The following PAPPA2 variants were observed in gnomAD, a reference collection of about 807,000 sequenced individuals.
PAPPA2 encodes pappalysin 2, also known as pappalysin-2.
In PAPPA2, 86 loss-of-function variants were observed where a neutral mutation model predicts 176.4. The ratio of observed to expected loss-of-function variants is 0.49; its 90% CI spans 0.41 to 0.58. The LOEUF (loss-of-function observed/expected upper bound fraction) is 0.58. PAPPA2 is among the 20% of genes least tolerant of loss of function. The pLI is 0.00. For synonymous variants in PAPPA2, 809 were observed against 852.2 expected, an observed-to-expected ratio of 0.95 and a Z score of 0.88; for missense variants, 2,073 against 2,256.9, an observed-to-expected ratio of 0.92 and a Z score of 1.65.
intron 17 of PAPPA2, among the ~76,000 whole-genome samples, chr1:176,781,365 CTTTTTTTTTTTTTTTTTTTTTTT>C (rs35029858): frequency 2.2e-5 from 1 of 46,228 alleles, no homozygotes. Flanking sequence ...TTGTAAGGGG[CTTTTTTTTTTTTTTTTTTTTTTT>C]TTTTTTTTTT....
chr1:176,749,600 A>G (rs1663071514), intron 14 of PAPPA2, among the ~76,000 whole-genome samples: 1 of 152,164 alleles, frequency 6.6e-6, no homozygotes, highest in African/African-American at 2.4e-5. Flanking sequence ...CTGCCTATTC[A>G]CCACCATACC....
chr1:176,730,877 T>A (rs974937153), intron 12 of PAPPA2, among the ~76,000 whole-genome samples: 2 of 152,240 alleles, frequency 1.3e-5, no homozygotes, highest in African/African-American at 2.4e-5. Context: ...GCATTTTGTT[T>A]GTTTCTAGCA....
intron 8 of PAPPA2, among the ~76,000 whole-genome samples, chr1:176,702,320 C>T (rs1660686290): frequency 6.6e-6 from 1 of 152,138 alleles, no homozygotes; most frequent in East Asian, 1.9e-4. Context: ...CTTGAAATAC[C>T]ATCTTCCTAG....
intron 1 of PAPPA2, among the ~76,000 whole-genome samples, chr1:176,484,935 C>G (rs926991313): frequency 4.6e-5 from 7 of 152,126 alleles, no homozygotes; most frequent in African/African-American, 1.7e-4. Flanking sequence ...ATGGCGGTTT[C>G]TGCTCTGGCA....
intron 3 of PAPPA2, among the ~76,000 whole-genome samples, chr1:176,617,302 G>T (rs1296861759): frequency 6.6e-6 from 1 of 152,120 alleles, no homozygotes; most frequent in Non-Finnish European, 1.5e-5. Flanking sequence ...AGTGACATAG[G>T]GGGTGGCAGG....
At chr1:176,559,253 C>T (rs1173036635) in intron 2 of PAPPA2, among the ~76,000 whole-genome samples, 1 of 152,198 alleles carries the variant, frequency 6.6e-6, no homozygotes, top group Non-Finnish European at 1.5e-5. Flanking sequence ...TTTTCCTTCT[C>T]TTCAAATCAA....
At position 176,589,130 on chromosome 1, in the gene PAPPA2, C is replaced by CT. The variant is rs936023967; in HGVS notation, c.920-5384dup. Among the ~76,000 whole-genome samples the CT allele has an allele frequency of 3.8e-3, 566 of 150,232 alleles. 4 individuals carry two copies. Among genetic ancestry groups the CT allele is most frequent in the African/African-American group, 0.013 (535 of 41,016 alleles). ...TACTTTACAGAGGCCACATTCAAAA[C>CT]TTTTTTTTTTCATGAAACAGCTGTT... is the stretch of plus-strand genomic sequence containing the variant. On this transcript the variant is annotated intron_variant, in intron 2 of 22. Coordinates refer to ENST00000367662, the MANE Select transcript of PAPPA2 (RefSeq NM_020318.3).
At position 176,844,578 on chromosome 1, in the gene PAPPA2, T is replaced by C. The variant is rs1667597817; in HGVS notation, c.*2124T>C. The stretch of plus-strand genomic sequence containing the variant: ...AGATACCATTCATTGTCTTGGGTCA[T>C]GCTTAGTGCCCCCAAGAAGACAAAC... On this transcript the variant is annotated 3_prime_UTR_variant, in exon 23 of 23. Coordinates refer to ENST00000367662, the MANE Select transcript of PAPPA2 (RefSeq NM_020318.3). The C allele has an allele frequency of 6.6e-6, 1 of 152,178 alleles. No individual in the cohort carries two copies. Among genetic ancestry groups the C allele is most frequent in the Non-Finnish European group, 1.5e-5 (1 of 68,020 alleles). The allele number at this position is 152,178 out of a possible 1,614,324, so 9.4% of individuals were successfully genotyped here.
intron 1 of PAPPA2, among the ~76,000 whole-genome samples, chr1:176,505,351 A>G (rs919306021): frequency 5.3e-5 from 8 of 152,110 alleles, no homozygotes; most frequent in African/African-American, 1.4e-4. Flanking sequence ...TATTGGGTCC[A>G]GATTTCCCCT....
intron 1 of PAPPA2, among the ~76,000 whole-genome samples, chr1:176,554,972 A>AGTGTGT (rs561289002): frequency 0.016 from 2,313 of 140,760 alleles, 16 homozygotes; most frequent in South Asian, 0.032. Context: ...GTTCACAGTA[A>AGTGTGT]GTGTGTGTGT....
chr1:176,692,900 G>A (rs79032982), intron 6 of PAPPA2, among the ~76,000 whole-genome samples: 159 of 152,228 alleles, frequency 1.0e-3, no homozygotes, highest in African/African-American at 3.6e-3. Context: ...GCAACTACTG[G>A]GGGAGGCAGG....
rs142548954 is a variant in PAPPA2 at position 176,566,260 on chromosome 1, G to A, written c.919+9019G>A. Among the ~76,000 whole-genome samples the A allele has an allele frequency of 1.6e-4, 25 of 152,240 alleles. No individual in the cohort carries two copies. The East Asian group carries it at 3.7e-3, about 22-fold the overall frequency. On this transcript the variant is annotated intron_variant, in intron 2 of 22. Coordinates refer to ENST00000367662, the MANE Select transcript of PAPPA2 (RefSeq NM_020318.3). ...TCTGGGCCTTTGGGGTCATCCAGTCGTTTGGGGTGCAGGTGGGGGAAGGAG... is the reference window on the plus strand; with the variant it reads ...TCTGGGCCTTTGGGGTCATCCAGTCATTTGGGGTGCAGGTGGGGGAAGGAG...
chr1:176,799,830 A>G (rs1665598528), intron 20 of PAPPA2, among the ~76,000 whole-genome samples: 1 of 152,022 alleles, frequency 6.6e-6, no homozygotes, highest in Admixed American at 6.5e-5. Flanking sequence ...GAGGATGAAA[A>G]GTTTCGAGAA....
Position 176,691,251 on chromosome 1 carries a change from G to T in PAPPA2, c.2431+821G>T, listed in dbSNP as rs536634123. ...TTTTTTCTATAAGTTTTGGGGGCTT[G>T]TTTGGTGACAGGTTCTTCTAGAACT... On this transcript the variant is annotated intron_variant, in intron 5 of 22. Transcript: ENST00000367662. 4.3e-5 allele frequency: 37 copies of T among 857,198 alleles called. No individual in the cohort carries two copies. In the South Asian group the frequency reaches 1.9e-3, roughly 43 times the overall value. 53.1% of individuals were successfully genotyped at this position (857,198 alleles called of 1,614,324 possible). A position where few individuals can be genotyped will look rare whatever the true frequency, so the allele number is the denominator to read the frequency against.
chr1:176,720,343 T>C (rs2102848223), intron 12 of PAPPA2, among the ~76,000 whole-genome samples: 1 of 152,300 alleles, frequency 6.6e-6, no homozygotes, highest in South Asian at 2.1e-4. Context: ...TTTTAACTTT[T>C]CTTTGTAATC....
intron 21 of PAPPA2, among the ~76,000 whole-genome samples, chr1:176,815,124 A>G (rs1459813596): frequency 2.6e-5 from 4 of 152,098 alleles, no homozygotes; most frequent in African/African-American, 9.7e-5. Flanking sequence ...GTGTGTATAC[A>G]TATGTATCTG....
At chr1:176,775,065 T>C (rs1344279198) in intron 17 of PAPPA2, among the ~76,000 whole-genome samples, 5 of 152,152 alleles carry the variant, frequency 3.3e-5, no homozygotes, top group African/African-American at 9.7e-5. Context: ...CCAGGAAGCC[T>C]ACCAGGTCTC....
At chr1:176,583,910 G>A (rs1653132199) in intron 2 of PAPPA2, among the ~76,000 whole-genome samples, 1 of 152,098 alleles carries the variant, frequency 6.6e-6, no homozygotes, top group Non-Finnish European at 1.5e-5. Flanking sequence ...AAAAAATTAG[G>A]TAGATGTGGT....
chr1:176,783,023 C>G (rs1664788665), intron 17 of PAPPA2, among the ~76,000 whole-genome samples: 1 of 152,116 alleles, frequency 6.6e-6, no homozygotes, highest in Admixed American at 6.6e-5. Context: ...AGAATAGAAT[C>G]AGTGATGGCT....
Sources: gnomAD v4.1 joint callset for allele counts (sites outside exome capture counted in the v4.1 genomes callset) on GRCh38, gnomAD v4.1.1 for gene constraint, MANE v1.5 for transcripts, NCBI Gene and HGNC (gene_info 2026-07-23, HGNC 2026-07-21) for gene names.